The following CFAP221 variants were observed in gnomAD, a reference collection of about 807,000 sequenced individuals.
CFAP221 encodes the protein cilia and flagella associated protein 221, also known as cilia- and flagella-associated protein 221.
CFAP221 carries 97 observed loss-of-function variants against 113.1 expected under a neutral mutation model. The ratio of observed to expected loss-of-function variants is 0.86; its 90% confidence interval spans 0.73 to 1.02. The LOEUF is 1.02. Ranked by LOEUF, CFAP221 falls within the 50% of genes least tolerant of loss-of-function variation. The pLI is 0.00. For missense variants in CFAP221, 1,025 were observed against 1,013.4 expected (o/e 1.01, Z -0.16); for synonymous variants, 331 against 354.4 (o/e 0.93, Z 0.74).
intron 22 of CFAP221, 130 bp downstream of exon 22, chr2:119,647,180 A>G (rs914891415): frequency 4.7e-6 from 3 of 631,640 alleles, no homozygotes; most frequent in Non-Finnish European, 8.0e-6. Flanking sequence ...GATAAGGCTA[A>G]CACCCATCCA....
chr2:119,596,173 A>G (rs1422118271), intron 7 of CFAP221, among the ~76,000 whole-genome samples: 1 of 152,172 alleles, frequency 6.6e-6, no homozygotes, highest in African/African-American at 2.4e-5. Context: ...TTGGAGTAGC[A>G]CAAGGTGGGC....
intron 8 of CFAP221, 138 bp from the exon 9 acceptor site, chr2:119,604,534 C>A: frequency 1.3e-6 from 1 of 750,104 alleles, no homozygotes; most frequent in Non-Finnish European, 1.9e-6. Context: ...TAGTAGACCA[C>A]TGTTGGGGCA....
At chr2:119,578,917 G>A (rs994071295) in intron 6 of CFAP221, among the ~76,000 whole-genome samples, 1 of 152,080 alleles carries the variant, frequency 6.6e-6, no homozygotes, top group Non-Finnish European at 1.5e-5. Context: ...TTGTTCTAGA[G>A]AAAGGACAAG....
chr2:119,575,339 G>A (rs1189919561), intron 6 of CFAP221, among the ~76,000 whole-genome samples: 1 of 152,030 alleles, frequency 6.6e-6, no homozygotes, highest in Non-Finnish European at 1.5e-5. Flanking sequence ...ACAGGCCCTT[G>A]CTCCCACCTC....
Position 119,656,523 on chromosome 2 carries a change from C to T in CFAP221, c.*53C>T, listed in dbSNP as rs1688446459. ...TTTGCTTTCCGTGGGCCACTGTGGC[C>T]CCTTGCGTCCATTTACATGCCAGCC... On this transcript the variant is annotated 3_prime_UTR_variant, in exon 24 of 24. Coordinates refer to ENST00000413369, the MANE Select transcript of CFAP221 (RefSeq NM_001271049.2). 2 of 1,274,792 alleles carry T rather than the reference C, an allele frequency of 1.6e-6. No individual in the cohort carries two copies. The highest frequency in any genetic ancestry group is 4.7e-5 in the East Asian group (2 of 42,380). The allele number at this position is 1,274,792 out of a possible 1,614,324, so 79.0% of individuals were successfully genotyped here. A position where few individuals can be genotyped will look rare whatever the true frequency, so the allele number is the denominator to read the frequency against.
rs748858564 is a variant in CFAP221 at position 119,630,755 on chromosome 2, G to A, written c.1840-12G>A. 6.2e-7 allele frequency: 1 copy of A among 1,609,320 alleles called. No homozygotes were observed. Among genetic ancestry groups the A allele is most frequent in the Admixed American group, 1.7e-5 (1 of 59,938 alleles). Reference sequence around the variant, plus strand: ...GCATCAAAACTAACGTGCTGTCCTTGCTCCTTGTTAGGATGAAGTCACCAC... The same window carrying A: ...GCATCAAAACTAACGTGCTGTCCTTACTCCTTGTTAGGATGAAGTCACCAC... On this transcript the variant is annotated splice_polypyrimidine_tract_variant and intron_variant, in intron 18 of 23. Transcript: ENST00000413369.
chr2:119,590,380 G>A (rs552923788), intron 7 of CFAP221: 1 of 152,370 alleles, frequency 6.6e-6, no homozygotes, highest in Admixed American at 6.5e-5. Context: ...CATTACCTGG[G>A]GGCCACCAAT....
At chr2:119,580,211 A>G (rs1014327726) in intron 6 of CFAP221, 5 of 152,172 alleles carry the variant, frequency 3.3e-5, no homozygotes, top group African/African-American at 1.2e-4. Context: ...GTGAAGATTG[A>G]CTGCATACCT....
intron 22 of CFAP221, among the ~76,000 whole-genome samples, chr2:119,651,702 A>G (rs1158410325): frequency 6.6e-6 from 1 of 152,184 alleles, no homozygotes; most frequent in African/African-American, 2.4e-5. Context: ...TTCCATGTGC[A>G]CTGGAAAATA....
chr2:119,636,481 G>A (rs968003103), intron 19 of CFAP221, among the ~76,000 whole-genome samples: 1 of 152,216 alleles, frequency 6.6e-6, no homozygotes, highest in African/African-American at 2.4e-5. Context: ...GCAGAATAAT[G>A]TAATCTTCAA....
chr2:119,566,659 G>C (rs992969208), intron 6 of CFAP221, among the ~76,000 whole-genome samples: 2 of 152,174 alleles, frequency 1.3e-5, no homozygotes, highest in African/African-American at 4.8e-5. Context: ...GCACCTCTGA[G>C]TGCTGCCTCT....
chr2:119,645,325 A>T, intron 21 of CFAP221, among the ~76,000 whole-genome samples: 1 of 151,918 alleles, frequency 6.6e-6, no homozygotes, highest in Non-Finnish European at 1.5e-5. Flanking sequence ...TATTCAGGGA[A>T]GTGTCCCTCC....
chr2:119,621,022 C>T (rs1046545921), intron 14 of CFAP221, among the ~76,000 whole-genome samples: 30 of 151,362 alleles, frequency 2.0e-4, no homozygotes, highest in African/African-American at 7.0e-4. Flanking sequence ...GTCGGGAGTT[C>T]GAGACCAGTC....
At chr2:119,583,247 A>G (rs1446364928) in intron 6 of CFAP221, among the ~76,000 whole-genome samples, 1 of 152,176 alleles carries the variant, frequency 6.6e-6, no homozygotes, top group East Asian at 1.9e-4. Flanking sequence ...TCTTAGTGGT[A>G]AAAAATTAAA....
chr2:119,611,542 A>C, intron 12 of CFAP221, 111 bp from the exon 13 acceptor site: 1 of 799,036 alleles, frequency 1.3e-6, no homozygotes, highest in Non-Finnish European at 2.0e-6. Flanking sequence ...TCCAATGGGA[A>C]CGTCGTGGGT....
At chr2:119,611,497 T>C (rs1431264545) in intron 12 of CFAP221, among the ~76,000 whole-genome samples, 156 bp from the exon 13 acceptor site, 2 of 151,462 alleles carry the variant, frequency 1.3e-5, no homozygotes, top group African/African-American at 4.9e-5. Context: ...AGTGTAATCA[T>C]ACTGATCTTT....
At chr2:119,602,739 A>AT in intron 8 of CFAP221, 1 of 985,398 alleles carries the variant, frequency 1.0e-6, no homozygotes, top group South Asian at 4.7e-5. Flanking sequence ...AAAACTGCTG[A>AT]TTTTTCTGGT....
At chr2:119,598,956 C>G (rs1033264414) in intron 7 of CFAP221, among the ~76,000 whole-genome samples, 1 of 152,044 alleles carries the variant, frequency 6.6e-6, no homozygotes, top group African/African-American at 2.4e-5. Flanking sequence ...TTTAGAGCCC[C>G]GGGTCAATTT....
chr2:119,605,031 GAA>G, intron 10 of CFAP221, 44 bp downstream of exon 10: 1 of 1,570,722 alleles, frequency 6.4e-7, no homozygotes, highest in Non-Finnish European at 8.8e-7. Context: ...AGCAGAATAT[GAA>G]AGAGTCATTG....
Sources: allele counts gnomAD v4.1 joint callset (sites outside exome capture counted in the v4.1 genomes callset), GRCh38; gene constraint gnomAD v4.1.1; transcripts MANE v1.5; gene names NCBI Gene and HGNC (gene_info 2026-07-23, HGNC 2026-07-21).